Variants in CCDC191 observed in about 807,000 individuals in gnomAD.
CCDC191 encodes coiled-coil domain-containing protein 191.
A neutral mutation model predicts 114.0 loss-of-function variants in CCDC191; 99 were observed. The observed-to-expected ratio is 0.87, with a 90% CI of 0.74 to 1.03. CCDC191 has a LOEUF of 1.03. Among genes scored for constraint, CCDC191 ranks in the 50% least tolerant of loss-of-function variants. The pLI, the probability that CCDC191 is intolerant of heterozygous loss-of-function variation, is 0.00. For missense variants in CCDC191, 973 were observed against 1,087.0 expected (o/e 0.90, Z 1.47); for synonymous variants, 351 against 376.0 (o/e 0.93, Z 0.77).
chr3:114,047,965 ACT>A (rs1203242524), intron 2 of CCDC191, among the ~76,000 whole-genome samples: 1 of 152,008 alleles, frequency 6.6e-6, no homozygotes, highest in African/African-American at 2.4e-5. Flanking sequence ...ACAGAGCGAG[ACT>A]CTGTCTCAAA....
At chr3:114,025,959 C>T (rs2076315185) in intron 7 of CCDC191, among the ~76,000 whole-genome samples, 1 of 152,182 alleles carries the variant, frequency 6.6e-6, no homozygotes, top group East Asian at 1.9e-4. Context: ...ACCCACATGG[C>T]TCTCAAGATC....
chr3:114,051,107 G>A (rs546729475), intron 2 of CCDC191, among the ~76,000 whole-genome samples: 1 of 152,112 alleles, frequency 6.6e-6, no homozygotes, highest in South Asian at 2.1e-4. Context: ...TTGACATCGT[G>A]ACCCCGAACC....
intron 15 of CCDC191, chr3:113,978,549 AG>A: frequency 1.7e-6 from 1 of 603,798 alleles, no homozygotes; most frequent in Non-Finnish European, 2.9e-6. Context: ...ATAAGATTGA[AG>A]GGGTAAGTTT....
intron 7 of CCDC191, among the ~76,000 whole-genome samples, chr3:114,030,021 T>A (rs568450400): frequency 6.6e-6 from 1 of 152,204 alleles, no homozygotes; most frequent in Admixed American, 6.5e-5. Flanking sequence ...GGGTCTATGG[T>A]TTAGTTAATG....
intron 16 of CCDC191, among the ~76,000 whole-genome samples, chr3:113,969,097 C>T (rs747350255): frequency 2.0e-5 from 3 of 152,086 alleles, no homozygotes; most frequent in South Asian, 2.1e-4. Context: ...CCAGCTCTTC[C>T]GTAACTAATA....
At chr3:113,998,634 A>G (rs2075786762) in intron 13 of CCDC191, among the ~76,000 whole-genome samples, 2 of 152,196 alleles carry the variant, frequency 1.3e-5, no homozygotes, top group Non-Finnish European at 2.9e-5. Flanking sequence ...CCAGCAGCAG[A>G]GACTAACAAT....
chr3:113,994,793 G>A (rs2075674927), intron 13 of CCDC191, among the ~76,000 whole-genome samples: 1 of 151,906 alleles, frequency 6.6e-6, no homozygotes, highest in Non-Finnish European at 1.5e-5. Flanking sequence ...ATGTTGCCCA[G>A]GCTGGTATCA....
At chr3:114,054,029 T>C (rs2076732865) in intron 1 of CCDC191, 1 of 155,944 alleles carries the variant, frequency 6.4e-6, no homozygotes, top group African/African-American at 2.4e-5. Flanking sequence ...AAGTAATCTT[T>C]AGCTTAAAGA....
intron 7 of CCDC191, among the ~76,000 whole-genome samples, chr3:114,021,144 C>T (rs2076238339): frequency 6.6e-6 from 1 of 152,028 alleles, no homozygotes; most frequent in African/African-American, 2.4e-5. Context: ...ACATTTTTTG[C>T]TGCTTTCATA....
Position 114,004,758 on chromosome 3 carries a change from A to C in CCDC191, c.1869-12T>G. On this transcript the variant is annotated splice_polypyrimidine_tract_variant and intron_variant, in intron 10 of 16. Coordinates refer to ENST00000295878, the MANE Select transcript of CCDC191 (RefSeq NM_020817.2). ...AAGCAACAGGTGAACTAGGGAAAAA[A>C]TAAAGGAAAGGAATTTAGACTACTA... 1.2e-6 allele frequency: 2 copies of C among 1,606,628 alleles called. No individual in the cohort carries two copies. The highest frequency in any genetic ancestry group is 8.5e-7 in the Non-Finnish European group (1 of 1,177,164).
At position 114,056,297 on chromosome 3, in the gene CCDC191, C is replaced by G. The variant is rs2076779281; in HGVS notation, c.90+80G>C. 6 of 1,379,598 alleles carry G rather than the reference C, an allele frequency of 4.3e-6. No homozygotes were observed. The East Asian group carries it at 9.2e-5, about 21-fold the overall frequency. The allele number at this position is 1,379,598 out of a possible 1,614,324, so 85.5% of individuals were successfully genotyped here. A position where few individuals can be genotyped will look rare whatever the true frequency, so the allele number is the denominator to read the frequency against. On this transcript the variant is annotated intron_variant, in intron 1 of 16. Coordinates refer to ENST00000295878, the MANE Select transcript of CCDC191 (RefSeq NM_020817.2). ...GCTCAGGATGAAGAGGCAGGAAGCA[C>G]AGACGGGCCGCGACTGGCTTCCTGA...
At chr3:113,976,418 C>T (rs796748841) in intron 16 of CCDC191, among the ~76,000 whole-genome samples, 1 of 152,010 alleles carries the variant, frequency 6.6e-6, no homozygotes, top group Admixed American at 6.6e-5. Context: ...TATCTTTATA[C>T]CTTGACAATT....
intron 14 of CCDC191, among the ~76,000 whole-genome samples, chr3:113,979,971 C>T (rs1270565905): frequency 1.3e-5 from 2 of 152,206 alleles, no homozygotes; most frequent in Non-Finnish European, 2.9e-5. Flanking sequence ...TCTGTTCTCT[C>T]TAATAGAATT....
chr3:113,973,590 T>G (rs1941034755), intron 16 of CCDC191, among the ~76,000 whole-genome samples: 1 of 142,518 alleles, frequency 7.0e-6, no homozygotes, highest in Non-Finnish European at 1.6e-5. Flanking sequence ...TATTCTTGGA[T>G]GGCAGGTTTT....
chr3:114,014,786 T>A lies in CCDC191; in HGVS notation c.1164-3765A>T, dbSNP rs1006761530. ...CTCTCCAGGGAATCATAATGAAGGA[T>A]GTCATTCATGTCACTCCTAAGTATT... On this transcript the variant is annotated intron_variant, in intron 8 of 16. Coordinates refer to ENST00000295878, the MANE Select transcript of CCDC191 (RefSeq NM_020817.2). Among the ~76,000 whole-genome samples the A allele has an allele frequency of 7.2e-5, 11 of 152,312 alleles. No homozygotes were observed. The East Asian group carries it at 2.1e-3, about 29-fold the overall frequency.
intron 13 of CCDC191, among the ~76,000 whole-genome samples, chr3:113,998,415 G>A (rs764148398): frequency 2.6e-5 from 4 of 152,030 alleles, no homozygotes; most frequent in East Asian, 1.9e-4. Flanking sequence ...CAGCTCCACC[G>A]GTGTTATTGC....
intron 13 of CCDC191, among the ~76,000 whole-genome samples, chr3:113,990,462 G>T (rs540424039): frequency 2.6e-4 from 40 of 151,808 alleles, no homozygotes; most frequent in Non-Finnish European, 5.3e-4. Flanking sequence ...CTTTAAAAAA[G>T]AAAACTCCAG....
chr3:113,980,933 C>A (rs2075128406), intron 13 of CCDC191, 140 bp from the exon 14 acceptor site: 1 of 742,044 alleles, frequency 1.3e-6, no homozygotes, highest in South Asian at 1.9e-5. Flanking sequence ...GATAATAGGG[C>A]TTTTTCTTTA....
chr3:114,030,398 T>A (rs2076388173), intron 7 of CCDC191, among the ~76,000 whole-genome samples: 1 of 152,206 alleles, frequency 6.6e-6, no homozygotes, highest in South Asian at 2.1e-4. Flanking sequence ...ACTCCCTGAA[T>A]ACTCGTTTCT....
Sources: allele counts gnomAD v4.1 joint callset (sites outside exome capture counted in the v4.1 genomes callset), GRCh38; gene constraint gnomAD v4.1.1; transcripts MANE v1.5; gene names NCBI Gene and HGNC (gene_info 2026-07-23, HGNC 2026-07-21).